GSK3B: variants seen among roughly 807,000 people sequenced by gnomAD.
The protein encoded by GSK3B is glycogen synthase kinase 3 beta.
A neutral mutation model predicts 56.4 loss-of-function variants in GSK3B; 15 were observed. The observed-to-expected ratio is 0.27, with a 90% CI of 0.18 to 0.41. GSK3B has a LOEUF of 0.41. Among genes scored for constraint, GSK3B ranks in the 10% least tolerant of loss-of-function variants. GSK3B has a pLI of 1.00. For synonymous variants in GSK3B, 181 were observed against 188.9 expected (o/e 0.96, Z 0.34); for missense variants, 300 against 513.4 (o/e 0.58, Z 4.02).
At chr3:119,881,909 A>G (rs1347066958) in intron 7 of GSK3B, among the ~76,000 whole-genome samples, 2 of 152,198 alleles carry the variant, frequency 1.3e-5, no homozygotes, top group Non-Finnish European at 2.9e-5. Flanking sequence ...TTCCCTGCAC[A>G]AGACAAGCTC....
intron 2 of GSK3B, among the ~76,000 whole-genome samples, chr3:119,951,495 C>T (rs925699141): frequency 6.6e-6 from 1 of 152,146 alleles, no homozygotes; most frequent in East Asian, 1.9e-4. Context: ...TGCTTGAACC[C>T]AGGAGGTGGA....
intron 1 of GSK3B, among the ~76,000 whole-genome samples, chr3:120,010,283 C>T (rs531916633): frequency 6.6e-6 from 1 of 152,240 alleles, no homozygotes; most frequent in African/African-American, 2.4e-5. Flanking sequence ...TTAACTACAA[C>T]TTTTCAAGCT....
intron 10 of GSK3B, among the ~76,000 whole-genome samples, chr3:119,838,048 G>A (rs1476280480): frequency 6.6e-6 from 1 of 151,126 alleles, no homozygotes; most frequent in Non-Finnish European, 1.5e-5. Flanking sequence ...AGCACTTTGG[G>A]AGGCCAAGGC....
intron 7 of GSK3B, among the ~76,000 whole-genome samples, chr3:119,885,402 TG>T (rs1484571785): frequency 6.6e-6 from 1 of 152,274 alleles, no homozygotes; most frequent in East Asian, 1.9e-4. Context: ...TCCATGCTCA[TG>T]GATTGGAAGA....
chr3:120,049,217 G>A (rs777144183), intron 1 of GSK3B, among the ~76,000 whole-genome samples: 1 of 152,140 alleles, frequency 6.6e-6, no homozygotes, highest in Non-Finnish European at 1.5e-5. Flanking sequence ...CATAATCCTT[G>A]CTCTGACTGA....
intron 3 of GSK3B, among the ~76,000 whole-genome samples, chr3:119,931,980 A>C (rs1284466728): frequency 6.6e-6 from 1 of 152,230 alleles, no homozygotes; most frequent in Admixed American, 6.5e-5. Flanking sequence ...ACACTGAGTA[A>C]GAAATTTAAG....
chr3:119,826,987 TA>T, intron 10 of GSK3B, 132 bp from the exon 11 acceptor site: 1 of 632,806 alleles, frequency 1.6e-6, no homozygotes, highest in South Asian at 1.9e-5. Context: ...TTGTTTTAAA[TA>T]AGGCCAACAC....
At chr3:120,001,337 G>A (rs1275942030) in intron 2 of GSK3B, among the ~76,000 whole-genome samples, 3 of 152,054 alleles carry the variant, frequency 2.0e-5, no homozygotes, top group African/African-American at 7.2e-5. Flanking sequence ...ATTGAGACTA[G>A]CTTGGACAAC....
chr3:120,035,376 T>G (rs1457359208), intron 1 of GSK3B, among the ~76,000 whole-genome samples: 1 of 152,180 alleles, frequency 6.6e-6, no homozygotes, highest in Admixed American at 6.5e-5. Context: ...TGAGAAAAAT[T>G]TCGGTTGTTT....
chr3:120,011,458 A>C (rs891072597), intron 1 of GSK3B, among the ~76,000 whole-genome samples: 1 of 152,226 alleles, frequency 6.6e-6, no homozygotes, highest in South Asian at 2.1e-4. Flanking sequence ...AAATAAGACA[A>C]TTCTGCTAAA....
At chr3:120,011,299 C>A (rs771057067) in intron 1 of GSK3B, among the ~76,000 whole-genome samples, 2 of 152,092 alleles carry the variant, frequency 1.3e-5, no homozygotes, top group Non-Finnish European at 2.9e-5. Context: ...GGTTCTACTT[C>A]TTTTTAAAAA....
At chr3:119,958,445 G>T (rs1418479895) in intron 2 of GSK3B, among the ~76,000 whole-genome samples, 2 of 152,120 alleles carry the variant, frequency 1.3e-5, no homozygotes, top group Admixed American at 1.3e-4. Flanking sequence ...GGGAGGCTAA[G>T]GAAGGAGGAT....
chr3:120,076,367 AAAAAGCTTCTG>A (rs1459489858), intron 1 of GSK3B, among the ~76,000 whole-genome samples: 2 of 152,196 alleles, frequency 1.3e-5, no homozygotes, highest in Non-Finnish European at 2.9e-5. Context: ...ACATCAAACT[AAAAAGCTTCTG>A]CACAGCAAAG....
intron 1 of GSK3B, among the ~76,000 whole-genome samples, chr3:120,014,004 T>C (rs773211764): frequency 6.6e-6 from 1 of 151,732 alleles, no homozygotes; most frequent in Non-Finnish European, 1.5e-5. Flanking sequence ...ACCCCGTCTC[T>C]ACTAAAAGTA....
chr3:119,927,579 T>C (rs750735170), intron 3 of GSK3B, among the ~76,000 whole-genome samples: 9 of 152,176 alleles, frequency 5.9e-5, no homozygotes, highest in Admixed American at 5.2e-4. Context: ...TAGAAAGGTT[T>C]GAAGGAAAAA....
At chr3:119,965,647 C>A (rs2057312286) in intron 2 of GSK3B, among the ~76,000 whole-genome samples, 1 of 152,188 alleles carries the variant, frequency 6.6e-6, no homozygotes, top group Non-Finnish European at 1.5e-5. Context: ...ATCGAAAACA[C>A]TTTCCATCTA....
chr3:119,909,300 T>G (rs1163197706), intron 6 of GSK3B, among the ~76,000 whole-genome samples: 1 of 152,192 alleles, frequency 6.6e-6, no homozygotes, highest in Non-Finnish European at 1.5e-5. Context: ...TGTGAGCCAC[T>G]GCACCAGGCC....
chr3:119,851,799 T>C (rs2055934226), intron 9 of GSK3B, among the ~76,000 whole-genome samples: 1 of 152,236 alleles, frequency 6.6e-6, no homozygotes, highest in South Asian at 2.1e-4. Context: ...AGTGGTTGTC[T>C]ATACAGTTAA....
chr3:120,025,123 C>T (rs546364535), intron 1 of GSK3B, among the ~76,000 whole-genome samples: 3 of 152,118 alleles, frequency 2.0e-5, no homozygotes, highest in South Asian at 4.2e-4. Context: ...CTTTGGGAGA[C>T]GGAGGCGGGC....
Sources: allele counts gnomAD v4.1 joint callset (sites outside exome capture counted in the v4.1 genomes callset), GRCh38; gene constraint gnomAD v4.1.1; transcripts MANE v1.5; gene names NCBI Gene and HGNC (gene_info 2026-07-23, HGNC 2026-07-21).